Variants in SBF2 observed in about 807,000 individuals in gnomAD.
SBF2 encodes the protein SET binding factor 2, also known as myotubularin-related protein 13.
SBF2 carries 112 observed loss-of-function variants against 225.2 expected under a neutral mutation model. The ratio of observed to expected loss-of-function variants is 0.50; its 90% CI spans 0.43 to 0.58. The LOEUF (loss-of-function observed/expected upper bound fraction) is 0.58. SBF2 is among the 20% of genes least tolerant of loss of function. The pLI, the probability that SBF2 is intolerant of heterozygous loss-of-function variation, is 0.00. For synonymous variants in SBF2, 763 were observed against 773.3 expected, an observed-to-expected ratio of 0.99 and a Z score of 0.22; for missense variants, 1,996 against 2,206.2, an observed-to-expected ratio of 0.90 and a Z score of 1.91.
chr11:9,924,755 T>G (rs990782023), intron 16 of SBF2, among the ~76,000 whole-genome samples: 38 of 151,436 alleles, frequency 2.5e-4, no homozygotes, highest in South Asian at 1.3e-3. Flanking sequence ...TTTATTTATT[T>G]ATTGATTGAT....
chr11:10,304,042 G>C (rs1174988871), intron 1 of SBF2, among the ~76,000 whole-genome samples: 1 of 152,154 alleles, frequency 6.6e-6, no homozygotes. Flanking sequence ...GGACTCTGCT[G>C]CTTCCTACCT....
intron 17 of SBF2, among the ~76,000 whole-genome samples, chr11:9,869,826 A>T (rs1466940958): frequency 6.6e-6 from 1 of 152,216 alleles, no homozygotes; most frequent in African/African-American, 2.4e-5. Flanking sequence ...ACTCCTATTC[A>T]ACACAGTATT....
chr11:9,883,943 T>C (rs543911674), intron 17 of SBF2, among the ~76,000 whole-genome samples: 14 of 152,320 alleles, frequency 9.2e-5, no homozygotes, highest in African/African-American at 2.9e-4. Context: ...ACTGGTGAAG[T>C]ATGACATTAA....
At chr11:10,263,560 T>C (rs907966258) in intron 1 of SBF2, among the ~76,000 whole-genome samples, 1 of 152,162 alleles carries the variant, frequency 6.6e-6, no homozygotes, top group African/African-American at 2.4e-5. Flanking sequence ...CTCTGACCTT[T>C]AAATAAGTCA....
intron 16 of SBF2, among the ~76,000 whole-genome samples, chr11:9,902,387 A>G (rs1861788466): frequency 6.6e-6 from 1 of 152,148 alleles, no homozygotes; most frequent in Admixed American, 6.5e-5. Context: ...GAATCCACCT[A>G]TGACCTGTAA....
intron 32 of SBF2, among the ~76,000 whole-genome samples, 200 bp from the exon 33 acceptor site, chr11:9,796,157 GT>G (rs11416768): frequency 1.1e-3 from 167 of 145,264 alleles, no homozygotes; most frequent in East Asian, 5.8e-3. Context: ...CCAGACGAGG[GT>G]TTTTTTTTTT....
At chr11:10,077,747 A>G (rs1213922924) in intron 2 of SBF2, among the ~76,000 whole-genome samples, 1 of 152,256 alleles carries the variant, frequency 6.6e-6, no homozygotes, top group Non-Finnish European at 1.5e-5. Context: ...TCATGACTAA[A>G]ACACCAAAAG....
At chr11:9,932,337 A>G (rs1254320851) in intron 16 of SBF2, among the ~76,000 whole-genome samples, 5 of 152,234 alleles carry the variant, frequency 3.3e-5, no homozygotes, top group Non-Finnish European at 7.3e-5. Flanking sequence ...TGTCAGATTC[A>G]TCAAGGTTGA....
chr11:9,782,744 G>A (rs556847370), intron 38 of SBF2, among the ~76,000 whole-genome samples: 7 of 152,060 alleles, frequency 4.6e-5, no homozygotes, highest in African/African-American at 1.2e-4. Context: ...GGTGGCAGGC[G>A]CCTGTAATCC....
chr11:10,295,469 T>A (rs1964474443), upstream of SBF2, among the ~76,000 whole-genome samples: 1 of 152,084 alleles, frequency 6.6e-6, no homozygotes. Flanking sequence ...GCACTAGAAC[T>A]GAAACTGAAG....
rs527435946 is a variant in SBF2, at chr11:10,225,559, T to A, written c.56-31572A>T. Among the ~76,000 whole-genome samples the A allele has an allele frequency of 1.8e-4, 28 of 152,266 alleles. 1 individual carries two copies. The highest frequency in any genetic ancestry group is 5.8e-4 in the African/African-American group (24 of 41,568). ...TAGAAATTTATTTCCTAATAAGTGA[T>A]CCATTTTTGTGTCTTGTATTATCTT... is the stretch of plus-strand genomic sequence containing the variant. On this transcript the variant is annotated intron_variant, in intron 1 of 39. Transcript: ENST00000256190.
intron 1 of SBF2, among the ~76,000 whole-genome samples, chr11:10,195,030 C>T (rs567104201): frequency 6.6e-6 from 1 of 152,270 alleles, no homozygotes. Context: ...CAGTTATGGG[C>T]TATAAATACT....
chr11:10,056,321 T>C (rs1044014509), intron 2 of SBF2, among the ~76,000 whole-genome samples: 1 of 152,226 alleles, frequency 6.6e-6, no homozygotes, highest in African/African-American at 2.4e-5. Flanking sequence ...AATCTGTACA[T>C]TGCTTTGGGC....
chr11:10,051,831 CAAT>C (rs1950076890), intron 2 of SBF2, among the ~76,000 whole-genome samples: 1 of 151,904 alleles, frequency 6.6e-6, no homozygotes, highest in African/African-American at 2.4e-5. Context: ...TAAGATTAAG[CAAT>C]AATAGATTTG....
chr11:10,072,160 A>C (rs1391421402), intron 2 of SBF2, among the ~76,000 whole-genome samples: 1 of 152,244 alleles, frequency 6.6e-6, no homozygotes, highest in Non-Finnish European at 1.5e-5. Flanking sequence ...CTAATTGCCA[A>C]ATAAGTCACC....
At chr11:10,115,373 C>T (rs1373487639) in intron 2 of SBF2, among the ~76,000 whole-genome samples, 1 of 152,040 alleles carries the variant, frequency 6.6e-6, no homozygotes, top group Non-Finnish European at 1.5e-5. Context: ...TTACATAATC[C>T]TTTAAGTAAA....
At position 9,968,494 on chromosome 11, in the gene SBF2, C is replaced by T; in HGVS notation, c.1447G>A (p.Gly483Arg). 1 of 1,614,080 alleles carries T rather than the reference C, an allele frequency of 6.2e-7. No homozygotes were observed. Among genetic ancestry groups the T allele is most frequent in the Non-Finnish European group, 8.5e-7 (1 of 1,180,004 alleles). The change falls in exon 14 of 40, where the codon GGA becomes AGA. Residue 483 changes from glycine to arginine, a missense_variant. Gly to Arg is a moderately radical substitution (Grantham distance 125). Coordinates refer to ENST00000256190, the MANE Select transcript of SBF2 (RefSeq NM_030962.4). ...AGAATATGAACTCGCAAATGGGATC[C>T]TTCTGTTGGCCGTGGAACTTTCTGG... is the stretch of plus-strand genomic sequence containing the variant. ...AFQKVPRPTE[G>R]SHLRVHILPF...
chr11:9,788,664 T>C (rs897516738), intron 35 of SBF2, among the ~76,000 whole-genome samples: 4 of 150,512 alleles, frequency 2.7e-5, no homozygotes, highest in Non-Finnish European at 4.4e-5. Flanking sequence ...GCGTGATCTC[T>C]GCTCCCTGCA....
intron 1 of SBF2, among the ~76,000 whole-genome samples, chr11:10,263,378 G>A (rs1031228800): frequency 6.6e-6 from 1 of 152,024 alleles, no homozygotes; most frequent in Admixed American, 6.6e-5. Flanking sequence ...AATGCTGGAA[G>A]AAACCACACT....
Sources: allele counts gnomAD v4.1 joint callset (sites outside exome capture counted in the v4.1 genomes callset), GRCh38; gene constraint gnomAD v4.1.1; transcripts MANE v1.5; gene names NCBI Gene and HGNC (gene_info 2026-07-23, HGNC 2026-07-21).